PITPNM3: variants seen among roughly 807,000 people sequenced by gnomAD.
PITPNM3 encodes the protein membrane-associated phosphatidylinositol transfer protein 3.
A neutral mutation model predicts 102.0 loss-of-function variants in PITPNM3; 26 were observed. The ratio of observed to expected loss-of-function variants is 0.25; its 90% CI spans 0.19 to 0.35. The LOEUF (loss-of-function observed/expected upper bound fraction) is 0.35, where lower values mean the gene tolerates loss of function less well. Among genes scored for constraint, PITPNM3 ranks in the 10% least tolerant of loss-of-function variants. The probability of loss-of-function intolerance (pLI) is 1.00; values close to 1 mark genes in which losing one functional copy is unlikely to be tolerated. For synonymous variants in PITPNM3, 578 were observed against 558.6 expected, an observed-to-expected ratio of 1.03 and a Z score of -0.49; for missense variants, 1,083 against 1,346.1, an observed-to-expected ratio of 0.80 and a Z score of 3.06.
intron 4 of PITPNM3, among the ~76,000 whole-genome samples, chr17:6,484,809 G>A (rs1905973177): frequency 6.6e-6 from 1 of 152,184 alleles, no homozygotes; most frequent in Admixed American, 6.5e-5. Context: ...TTGAAGCAGT[G>A]AATGAGGCGA....
intron 2 of PITPNM3, among the ~76,000 whole-genome samples, chr17:6,528,619 C>G (rs922208673): frequency 6.6e-6 from 1 of 151,986 alleles, no homozygotes; most frequent in Non-Finnish European, 1.5e-5. Context: ...CCCTCCTGCT[C>G]CCTCTCACTC....
chr17:6,483,314 T>C (rs972964034), intron 6 of PITPNM3, among the ~76,000 whole-genome samples: 1 of 151,984 alleles, frequency 6.6e-6, no homozygotes, highest in African/African-American at 2.4e-5. Flanking sequence ...CAAGATTTCA[T>C]GGGGACCCCA....
rs571246572 is a variant in PITPNM3 at position 6,537,647 on chromosome 17, C to T, written c.118+340G>A. On this transcript the variant is annotated intron_variant, in intron 2 of 19. Transcript: ENST00000262483. This position sits in a 1 kb window ranked among gnomAD's most constrained non-coding sequence, Gnocchi z 4.4. ...TAGCAGCGGCACTTTTACTTAGTGG[C>T]GATGGTCCCCATTCGTCATTGTATT... 5.3e-5 allele frequency among the ~76,000 whole-genome samples: 8 copies of T among 152,284 alleles called. No individual in the cohort carries two copies. The highest frequency in any genetic ancestry group is 1.9e-4 in the East Asian group (1 of 5,184).
At chr17:6,461,127 A>C (rs1162020221) in intron 18 of PITPNM3, among the ~76,000 whole-genome samples, 1 of 152,226 alleles carries the variant, frequency 6.6e-6, no homozygotes, top group Non-Finnish European at 1.5e-5. Context: ...AAGAGTCAGG[A>C]GATAAAGGAC....
chr17:6,550,893 G>C (rs1910266537), intron 1 of PITPNM3, among the ~76,000 whole-genome samples: 1 of 152,202 alleles, frequency 6.6e-6, no homozygotes, highest in Non-Finnish European at 1.5e-5. Context: ...CACCATCCTT[G>C]GCTCAAACAA....
chr17:6,457,502 A>G lies in PITPNM3; in HGVS notation c.2619+92T>C. On this transcript the variant is annotated intron_variant, in intron 19 of 19. Transcript: ENST00000262483. This position sits in a 1 kb window ranked among gnomAD's most constrained non-coding sequence, Gnocchi z 4.7. Reference sequence around the variant, plus strand: ...AATGAGCAAATGGGGGAATGAACAAATGAATGAATGAATGAATGAAGTGCT... The same window carrying G: ...AATGAGCAAATGGGGGAATGAACAAGTGAATGAATGAATGAATGAAGTGCT... 3 of 1,533,294 alleles carry G rather than the reference A, an allele frequency of 2.0e-6. No individual in the cohort carries two copies. Among genetic ancestry groups the G allele is most frequent in the Non-Finnish European group, 2.7e-6 (3 of 1,125,544 alleles). 95.0% of individuals were successfully genotyped at this position (1,533,294 alleles called of 1,614,324 possible).
Position 6,463,899 on chromosome 17 carries a change from G to A in PITPNM3, c.2157-18C>T, listed in dbSNP as rs781706595. On this transcript the variant is annotated intron_variant, in intron 16 of 19. Transcript: ENST00000262483. ...GGTCGCCCCTGAAAGAAACCTGCCT[G>A]TGGTCAGCCGTGAGGTCAGGGTCAG... 6.2e-7 allele frequency: 1 copy of A among 1,613,426 alleles called. No individual in the cohort carries two copies. Among genetic ancestry groups the A allele is most frequent in the Non-Finnish European group, 8.5e-7 (1 of 1,179,810 alleles).
At chr17:6,542,456 C>G (rs1388161281) in intron 1 of PITPNM3, among the ~76,000 whole-genome samples, 1 of 152,190 alleles carries the variant, frequency 6.6e-6, no homozygotes, top group Non-Finnish European at 1.5e-5. Flanking sequence ...CTCCCTCTCT[C>G]CCTCACACAC....
At chr17:6,527,370 T>C (rs186495805) in intron 2 of PITPNM3, among the ~76,000 whole-genome samples, 2 of 152,306 alleles carry the variant, frequency 1.3e-5, no homozygotes, top group East Asian at 1.9e-4. Context: ...GCCTCTGTCA[T>C]TGGATTGTTG....
intron 10 of PITPNM3, 79 bp downstream of exon 10, chr17:6,474,353 C>T (rs947431452): frequency 2.5e-5 from 39 of 1,536,440 alleles, no homozygotes; most frequent in Non-Finnish European, 3.4e-5. Flanking sequence ...CCCGACTTCA[C>T]TCTCCTCATT....
chr17:6,471,248 G>C lies in PITPNM3; in HGVS notation c.1537C>G (p.Arg513Gly). The C allele has an allele frequency of 6.2e-7, 1 of 1,613,390 alleles. No homozygotes were observed. ...CCCTCGCTCATCCTCCGTCCTGGGC[G>C]CTGGAACCTCGAGGCCTGAGGGGGC... is the stretch of plus-strand genomic sequence containing the variant. Reference protein sequence around the residue: ...ASPPQASRFQRPGRRMSEGSS... With the variant: ...ASPPQASRFQGPGRRMSEGSS... The change falls in exon 12 of 20, where the codon CGC becomes GGC. Residue 513 changes from arginine (R) to glycine (G), a missense_variant. Transcript: ENST00000262483.
At chr17:6,489,331 C>G (rs1303129670) in intron 4 of PITPNM3, among the ~76,000 whole-genome samples, 2 of 151,948 alleles carry the variant, frequency 1.3e-5, no homozygotes, top group Non-Finnish European at 2.9e-5. Flanking sequence ...TCACTCCCAC[C>G]CCCCGTTAGT....
At chr17:6,542,082 T>A (rs1429479748) in intron 1 of PITPNM3, among the ~76,000 whole-genome samples, 2 of 152,134 alleles carry the variant, frequency 1.3e-5, no homozygotes, top group African/African-American at 4.8e-5. Flanking sequence ...CATTGCCCGC[T>A]CTCTTGGAAA....
chr17:6,499,879 T>C (rs9893182), intron 4 of PITPNM3, among the ~76,000 whole-genome samples: 113,285 of 151,938 alleles, frequency 0.75, 42,413 homozygotes, highest in Middle Eastern at 0.85. Flanking sequence ...TACAGGCGCA[T>C]GCCACCATGC....
At chr17:6,553,422 G>A (rs1007936677) in intron 1 of PITPNM3, among the ~76,000 whole-genome samples, 1 of 152,176 alleles carries the variant, frequency 6.6e-6, no homozygotes, top group Non-Finnish European at 1.5e-5. Context: ...TCCTGGCAGT[G>A]TAAGAGTCCT....
intron 1 of PITPNM3, among the ~76,000 whole-genome samples, chr17:6,538,526 C>A (rs1567694134): frequency 1.3e-5 from 2 of 152,170 alleles, no homozygotes; most frequent in Non-Finnish European, 2.9e-5. Flanking sequence ...ATGTCACCAG[C>A]CCAAAAGGAG....
chr17:6,453,603 G>GA lies in PITPNM3; in HGVS notation c.*1734dup, dbSNP rs1211857341. The GA allele has an allele frequency of 1.3e-5, 2 of 152,424 alleles. No homozygotes were observed. The highest frequency in any genetic ancestry group is 1.5e-5 in the Non-Finnish European group (1 of 68,190). 9.4% of individuals were successfully genotyped at this position (152,424 alleles called of 1,614,324 possible). On this transcript the variant is annotated 3_prime_UTR_variant, in exon 20 of 20. Transcript: ENST00000262483. The stretch of plus-strand genomic sequence containing the variant: ...AGACTGAAGACACATTTCTAGTGGG[G>GA]AGAGCAGGGATGGGGGTTAGGAGCC...
rs1914020304 is a variant in PITPNM3 at position 6,454,984 on chromosome 17, C to T, written c.*354G>A. ...GCTGCCCCCTTGAGGGCCTGCCTAG[C>T]TCGCTGTGAAGCCTGGGGACGCAGG... On this transcript the variant is annotated 3_prime_UTR_variant, in exon 20 of 20. Coordinates refer to ENST00000262483, the MANE Select transcript of PITPNM3 (RefSeq NM_031220.4). 3.3e-6 allele frequency: 1 copy of T among 306,648 alleles called. No individual in the cohort carries two copies. Among genetic ancestry groups the T allele is most frequent in the South Asian group, 6.3e-5 (1 of 15,852 alleles). 19.0% of individuals were successfully genotyped at this position (306,648 alleles called of 1,614,324 possible). A position where few individuals can be genotyped will look rare whatever the true frequency, so the allele number is the denominator to read the frequency against.
Position 6,470,879 on chromosome 17 carries a change from T to C in PITPNM3, c.1624+282A>G, listed in dbSNP as rs536141354. On this transcript the variant is annotated intron_variant, in intron 12 of 19. Transcript: ENST00000262483. The surrounding 1 kb of genome is among the most constrained non-coding windows in gnomAD (Gnocchi z 4.8). ...CTCTCCTCAAGGTCAGAGCTCTGATTTGAGGCAGGGTCAGAGTTCAGGGCT... is the reference window on the plus strand; with the variant it reads ...CTCTCCTCAAGGTCAGAGCTCTGATCTGAGGCAGGGTCAGAGTTCAGGGCT... Among the ~76,000 whole-genome samples, 39 of 152,138 alleles carry C rather than the reference T, an allele frequency of 2.6e-4. No homozygotes were observed. Among genetic ancestry groups the C allele is most frequent in the African/African-American group, 9.2e-4 (38 of 41,506 alleles).
Sources: gnomAD v4.1 joint callset for allele counts (sites outside exome capture counted in the v4.1 genomes callset) on GRCh38, gnomAD v4.1.1 for gene constraint, Gnocchi (gnomAD v3.1) non-coding constraint, MANE v1.5 for transcripts, NCBI Gene and HGNC (gene_info 2026-07-23, HGNC 2026-07-21) for gene names.